The following CXCL13 variants were observed in gnomAD, a reference collection of about 807,000 sequenced individuals.
CXCL13 encodes C-X-C motif chemokine 13.
A neutral mutation model predicts 12.2 loss-of-function variants in CXCL13; 7 were observed. The observed-to-expected ratio is 0.57, with a 90% CI of 0.33 to 1.07. CXCL13 has a LOEUF of 1.07. CXCL13 is among the 50% of genes least tolerant of loss of function. The probability of loss-of-function intolerance (pLI) is 0.04; values close to 1 mark genes in which losing one functional copy is unlikely to be tolerated. For missense variants in CXCL13, 113 were observed against 127.4 expected (o/e 0.89, Z 0.55); for synonymous variants, 47 against 42.4 (o/e 1.11, Z -0.42).
intron 1 of CXCL13, among the ~76,000 whole-genome samples, chr4:77,518,164 G>A (rs926813067): frequency 1.3e-5 from 2 of 152,134 alleles, no homozygotes; most frequent in Non-Finnish European, 2.9e-5. Context: ...TGAGAGATCC[G>A]CTGTTAGTCT....
chr4:77,551,985 G>T (rs1725535887), intron 1 of CXCL13, among the ~76,000 whole-genome samples: 1 of 151,938 alleles, frequency 6.6e-6, no homozygotes, highest in Non-Finnish European at 1.5e-5. Flanking sequence ...TCATTTCCTG[G>T]ATTCCCTTTG....
chr4:77,533,846 T>A (rs1724990794), intron 1 of CXCL13, among the ~76,000 whole-genome samples: 1 of 152,220 alleles, frequency 6.6e-6, no homozygotes, highest in African/African-American at 2.4e-5. Flanking sequence ...GCACGGGATA[T>A]AATCTCCTGG....
chr4:77,580,912 A>T (rs1468054559), intron 1 of CXCL13, among the ~76,000 whole-genome samples: 1 of 150,374 alleles, frequency 6.7e-6, no homozygotes, highest in Non-Finnish European at 1.5e-5. Flanking sequence ...TGAGATTAAA[A>T]TCCCTCCAAA....
chr4:77,521,337 A>G (rs937098415), intron 1 of CXCL13, among the ~76,000 whole-genome samples: 3 of 152,162 alleles, frequency 2.0e-5, no homozygotes, highest in Non-Finnish European at 2.9e-5. Flanking sequence ...CTGTGAATCC[A>G]TCTGGTCCTG....
chr4:77,537,837 G>C (rs909075813), intron 1 of CXCL13, among the ~76,000 whole-genome samples: 3 of 152,158 alleles, frequency 2.0e-5, no homozygotes, highest in African/African-American at 7.2e-5. Flanking sequence ...GATTCAATTT[G>C]GCCAACCCAA....
chr4:77,566,044 C>A (rs1209877345), intron 1 of CXCL13, among the ~76,000 whole-genome samples: 2 of 152,154 alleles, frequency 1.3e-5, no homozygotes, highest in South Asian at 2.1e-4. Flanking sequence ...AAATCTGGAC[C>A]TATGCGTCAA....
intron 1 of CXCL13, among the ~76,000 whole-genome samples, chr4:77,551,176 G>A (rs929011575): frequency 2.6e-5 from 4 of 152,132 alleles, no homozygotes; most frequent in South Asian, 4.1e-4. Flanking sequence ...AAGTTAGCTC[G>A]TTGCTTTGTA....
At chr4:77,556,879 C>T (rs1168821018) in intron 1 of CXCL13, among the ~76,000 whole-genome samples, 5 of 151,928 alleles carry the variant, frequency 3.3e-5, no homozygotes, top group East Asian at 3.9e-4. Context: ...ATCAGCCAGG[C>T]GTGGGGGCAC....
At chr4:77,547,084 A>T (rs947329063) in intron 1 of CXCL13, among the ~76,000 whole-genome samples, 2 of 152,186 alleles carry the variant, frequency 1.3e-5, no homozygotes, top group Non-Finnish European at 2.9e-5. Flanking sequence ...TACTAATTTG[A>T]TTGCACTGTG....
intron 1 of CXCL13, among the ~76,000 whole-genome samples, chr4:77,532,265 T>C (rs1300098499): frequency 6.6e-6 from 1 of 152,206 alleles, no homozygotes; most frequent in Non-Finnish European, 1.5e-5. Flanking sequence ...CTCTCAGCAT[T>C]TGCTTGTCTG....
intron 1 of CXCL13, among the ~76,000 whole-genome samples, chr4:77,527,314 C>A (rs1201615662): frequency 6.6e-6 from 1 of 152,078 alleles, no homozygotes; most frequent in African/African-American, 2.4e-5. Flanking sequence ...ATGATACAGC[C>A]ACTCTGGAAA....
chr4:77,513,330 A>G (rs773651085), intron 1 of CXCL13, among the ~76,000 whole-genome samples: 2 of 152,072 alleles, frequency 1.3e-5, no homozygotes, highest in Non-Finnish European at 2.9e-5. Context: ...TGGTATTTCT[A>G]GTTCTAGATT....
At chr4:77,595,462 C>G (rs1726727366) in intron 1 of CXCL13, among the ~76,000 whole-genome samples, 1 of 152,284 alleles carries the variant, frequency 6.6e-6, no homozygotes, top group Middle Eastern at 3.4e-3. Context: ...AAGAACAGAG[C>G]AATGGCCATG....
At chr4:77,573,197 C>T (rs755674193) in intron 1 of CXCL13, among the ~76,000 whole-genome samples, 3 of 151,662 alleles carry the variant, frequency 2.0e-5, no homozygotes, top group Non-Finnish European at 4.4e-5. Context: ...CACAAGTTTA[C>T]CTATGTAACA....
At chr4:77,610,775 T>A (rs1727127090) in intron 3 of CXCL13, 81 bp downstream of exon 3, 1 of 1,088,862 alleles carries the variant, frequency 9.2e-7, no homozygotes, top group African/African-American at 1.6e-5. Context: ...AAATAGGGAC[T>A]AGCTTGAATT....
chr4:77,547,433 A>G (rs749908531), intron 1 of CXCL13, among the ~76,000 whole-genome samples: 22 of 152,182 alleles, frequency 1.4e-4, no homozygotes, highest in Non-Finnish European at 2.8e-4. Flanking sequence ...GTGCATATAT[A>G]TAGTTAGGAT....
At chr4:77,525,064 G>T (rs1022202192) in intron 1 of CXCL13, among the ~76,000 whole-genome samples, 11 of 152,182 alleles carry the variant, frequency 7.2e-5, no homozygotes, top group Non-Finnish European at 1.6e-4. Flanking sequence ...ACAGGAGTGG[G>T]TCAGTTATCT....
At chr4:77,544,560 G>A (rs531491015) in intron 1 of CXCL13, among the ~76,000 whole-genome samples, 1 of 152,160 alleles carries the variant, frequency 6.6e-6, no homozygotes, top group Non-Finnish European at 1.5e-5. Flanking sequence ...AGAAGTGTCT[G>A]TTCATATTCT....
intron 1 of CXCL13, among the ~76,000 whole-genome samples, chr4:77,580,794 C>T (rs1345909625): frequency 3.7e-5 from 5 of 135,258 alleles, no homozygotes; most frequent in Non-Finnish European, 6.4e-5. Context: ...CCTCCTCTCC[C>T]CTTCTCCTTC....
Sources: gnomAD v4.1 joint callset for allele counts (sites outside exome capture counted in the v4.1 genomes callset) on GRCh38, gnomAD v4.1.1 for gene constraint, MANE v1.5 for transcripts, NCBI Gene and HGNC (gene_info 2026-07-23, HGNC 2026-07-21) for gene names.